STXBP5L: variants seen among roughly 807,000 people sequenced by gnomAD.
STXBP5L encodes the protein syntaxin binding protein 5L.
STXBP5L carries 65 observed loss-of-function variants against 144.5 expected under a neutral mutation model. The ratio of observed to expected loss-of-function variants is 0.45; its 90% CI spans 0.37 to 0.55. STXBP5L has a LOEUF of 0.55. Ranked by LOEUF, STXBP5L falls within the 20% of genes least tolerant of loss-of-function variation. The pLI is 0.00. For synonymous variants in STXBP5L, 505 were observed against 469.6 expected, an observed-to-expected ratio of 1.08 and a Z score of -0.97; for missense variants, 1,298 against 1,405.5, an observed-to-expected ratio of 0.92 and a Z score of 1.22.
chr3:121,060,711 G>C (rs187213920), intron 5 of STXBP5L, among the ~76,000 whole-genome samples: 1 of 152,188 alleles, frequency 6.6e-6, no homozygotes, highest in Non-Finnish European at 1.5e-5. Flanking sequence ...GAGGTTATAT[G>C]TGTTCAGGAA....
chr3:121,222,940 G>A, intron 10 of STXBP5L, 63 bp from the exon 11 acceptor site: 3 of 1,527,268 alleles, frequency 2.0e-6, no homozygotes, highest in African/African-American at 1.4e-5. Context: ...TATAGGTTCA[G>A]TCCTGTGACT....
chr3:120,943,204 AAAAC>A (rs1335198762), intron 2 of STXBP5L, among the ~76,000 whole-genome samples: 17 of 151,912 alleles, frequency 1.1e-4, no homozygotes, highest in African/African-American at 3.9e-4. Flanking sequence ...AAAATTAAGT[AAAAC>A]AAACAATCAG....
chr3:120,912,322 T>C (rs1708882343), intron 2 of STXBP5L, among the ~76,000 whole-genome samples: 1 of 152,028 alleles, frequency 6.6e-6, no homozygotes, highest in Non-Finnish European at 1.5e-5. Context: ...GCAATGATGC[T>C]CTTAAAATGA....
chr3:121,090,922 TC>T (rs1256363979), intron 5 of STXBP5L, among the ~76,000 whole-genome samples: 9 of 76,218 alleles, frequency 1.2e-4, no homozygotes, highest in African/African-American at 5.3e-4. Context: ...GTGCTATCCC[TC>T]CCCCCTCCCC....
intron 3 of STXBP5L, among the ~76,000 whole-genome samples, chr3:121,003,818 C>T (rs559026975): frequency 4.0e-4 from 61 of 152,226 alleles, no homozygotes; most frequent in African/African-American, 1.5e-3. Flanking sequence ...GAATCCTTTC[C>T]CCATTTCTTG....
intron 3 of STXBP5L, among the ~76,000 whole-genome samples, chr3:120,995,630 C>G (rs1431129804): frequency 6.6e-6 from 1 of 151,890 alleles, no homozygotes; most frequent in Non-Finnish European, 1.5e-5. Flanking sequence ...CTACAGTTAT[C>G]AACATTTTTT....
intron 5 of STXBP5L, among the ~76,000 whole-genome samples, chr3:121,083,976 C>T (rs541415737): frequency 1.3e-5 from 2 of 151,890 alleles, no homozygotes; most frequent in East Asian, 1.9e-4. Flanking sequence ...CTTTTTTTCT[C>T]CTAAAAAAAT....
At chr3:121,209,589 C>T (rs189472420) in intron 10 of STXBP5L, among the ~76,000 whole-genome samples, 1 of 152,004 alleles carries the variant, frequency 6.6e-6, no homozygotes, top group Non-Finnish European at 1.5e-5. Context: ...CCTCTCCCCC[C>T]ACCCCATGAC....
intron 23 of STXBP5L, 78 bp downstream of exon 23, chr3:121,407,681 G>A (rs764191102): frequency 1.9e-6 from 3 of 1,544,694 alleles, no homozygotes; most frequent in African/African-American, 2.8e-5. Context: ...TATGTGTTAT[G>A]TGCAGATGTT....
chr3:121,029,192 A>G (rs1046331420), intron 3 of STXBP5L, among the ~76,000 whole-genome samples: 1 of 152,164 alleles, frequency 6.6e-6, no homozygotes, highest in African/African-American at 2.4e-5. Context: ...TAAATTTCAT[A>G]TGGAACCAAA....
intron 3 of STXBP5L, among the ~76,000 whole-genome samples, chr3:121,009,560 A>C (rs1311531504): frequency 6.6e-6 from 1 of 151,962 alleles, no homozygotes. Flanking sequence ...GAGAGGACCC[A>C]TTTATTTAAA....
At chr3:121,185,590 C>A (rs1267649478) in intron 9 of STXBP5L, among the ~76,000 whole-genome samples, 1 of 152,072 alleles carries the variant, frequency 6.6e-6, no homozygotes, top group African/African-American at 2.4e-5. Flanking sequence ...TCAGGTTTGT[C>A]AAAGATCGGA....
chr3:121,337,122 G>T (rs1448654605), intron 20 of STXBP5L, among the ~76,000 whole-genome samples: 1 of 152,002 alleles, frequency 6.6e-6, no homozygotes, highest in Non-Finnish European at 1.5e-5. Flanking sequence ...GGAGGGAGAG[G>T]ATCAGAAGAA....
intron 18 of STXBP5L, among the ~76,000 whole-genome samples, chr3:121,275,133 G>A (rs912049939): frequency 6.6e-6 from 1 of 152,090 alleles, no homozygotes; most frequent in African/African-American, 2.4e-5. Context: ...ATACCGGCCT[G>A]TCTTGATTCC....
chr3:121,007,376 T>G (rs771766624), intron 3 of STXBP5L, among the ~76,000 whole-genome samples: 1 of 152,048 alleles, frequency 6.6e-6, no homozygotes, highest in African/African-American at 2.4e-5. Flanking sequence ...GTGTAGTTAT[T>G]AATAAAATTC....
At chr3:121,097,007 T>C (rs2043164412) in intron 5 of STXBP5L, among the ~76,000 whole-genome samples, 1 of 152,198 alleles carries the variant, frequency 6.6e-6, no homozygotes, top group East Asian at 1.9e-4. Context: ...ATGTCCCTTA[T>C]GGGGGCTGCT....
intron 5 of STXBP5L, among the ~76,000 whole-genome samples, chr3:121,089,167 T>G (rs1350608588): frequency 6.9e-6 from 1 of 145,094 alleles, no homozygotes; most frequent in Admixed American, 6.9e-5. Flanking sequence ...ACTTAGTATA[T>G]ACATAGTACA....
Position 121,407,377 on chromosome 3 carries a change from A to C in STXBP5L, c.2722A>C (p.Lys908Gln), listed in dbSNP as rs1417956072. The change falls in exon 23 of 27, where the codon AAA becomes CAA. Residue 908 changes from lysine (K) to glutamine (Q), a missense_variant. Physicochemically the swap from Lys to Gln is moderately conservative, Grantham distance 53 (BLOSUM62 1). Coordinates refer to ENST00000471454, the MANE Select transcript of STXBP5L (RefSeq NM_001308330.2). ...IDENEKSWRR[K>Q]VVMNSSSASQ... ...TGAAAATGAAAAATCTTGGAGAAGGAAAGTGGTAATGAACTCATCTTCTGC... is the reference window on the plus strand; with the variant it reads ...TGAAAATGAAAAATCTTGGAGAAGGCAAGTGGTAATGAACTCATCTTCTGC... 6.2e-7 allele frequency: 1 copy of C among 1,612,990 alleles called. No homozygotes were observed. The highest frequency in any genetic ancestry group is 2.2e-5 in the East Asian group (1 of 44,864).
At chr3:121,132,936 A>T (rs901387777) in intron 7 of STXBP5L, among the ~76,000 whole-genome samples, 9 of 152,316 alleles carry the variant, frequency 5.9e-5, no homozygotes, top group Admixed American at 5.2e-4. Context: ...TAATTCAGAC[A>T]GAAAAGCAAA....
Sources: gnomAD v4.1 joint callset for allele counts (sites outside exome capture counted in the v4.1 genomes callset) on GRCh38, gnomAD v4.1.1 for gene constraint, MANE v1.5 for transcripts, NCBI Gene and HGNC (gene_info 2026-07-23, HGNC 2026-07-21) for gene names.